Variants in NTM observed in about 807,000 individuals in gnomAD.
NTM encodes the protein IgLON family member 2.
In NTM, 13 loss-of-function variants were observed where a neutral mutation model predicts 42.1. The ratio of observed to expected loss-of-function variants is 0.31; its 90% CI spans 0.20 to 0.49. The LOEUF (loss-of-function observed/expected upper bound fraction) is 0.49. Ranked by LOEUF, NTM falls within the 20% of genes least tolerant of loss-of-function variation. The pLI, the probability that NTM is intolerant of heterozygous loss-of-function variation, is 0.99. For synonymous variants in NTM, 187 were observed against 179.2 expected, an observed-to-expected ratio of 1.04 and a Z score of -0.35; for missense variants, 373 against 452.8, an observed-to-expected ratio of 0.82 and a Z score of 1.60.
intron 1 of NTM, among the ~76,000 whole-genome samples, chr11:131,512,602 T>C (rs2048396304): frequency 6.6e-6 from 1 of 152,212 alleles, no homozygotes; most frequent in Non-Finnish European, 1.5e-5. Context: ...AGGCTTCTCC[T>C]GTTCCCCCCA....
intron 1 of NTM, chr11:131,795,455 G>T: frequency 1.0e-6 from 1 of 985,418 alleles, no homozygotes; most frequent in African/African-American, 1.7e-5. Flanking sequence ...TGCTTGATAT[G>T]CAGCTTGTGG....
intron 2 of NTM, among the ~76,000 whole-genome samples, chr11:132,101,564 G>A (rs2061628227): frequency 6.6e-6 from 1 of 151,586 alleles, no homozygotes; most frequent in African/African-American, 2.4e-5. Flanking sequence ...CCTTGTGTGT[G>A]TGTGTGTGTG....
chr11:132,006,198 C>A (rs898174830), intron 2 of NTM, among the ~76,000 whole-genome samples: 3 of 152,146 alleles, frequency 2.0e-5, no homozygotes, highest in Non-Finnish European at 4.4e-5. Flanking sequence ...TGTAATCTTT[C>A]CATGGCTTGA....
At chr11:131,580,755 C>T (rs892501655) in intron 1 of NTM, among the ~76,000 whole-genome samples, 3 of 152,166 alleles carry the variant, frequency 2.0e-5, no homozygotes, top group Non-Finnish European at 2.9e-5. Context: ...AGCATTTCTT[C>T]GTATTCCCTT....
intron 1 of NTM, among the ~76,000 whole-genome samples, chr11:131,851,532 C>CGTGTGT (rs71067340): frequency 0.076 from 11,100 of 146,558 alleles, 528 homozygotes; most frequent in Middle Eastern, 0.12. Flanking sequence ...GTGAGAATGG[C>CGTGTGT]GTGTGTGTGT....
rs555855166 is a variant in NTM, at chr11:131,479,892, T to A, written c.82+109004T>A. On this transcript the variant is annotated intron_variant, in intron 1 of 8. Coordinates refer to ENST00000683400, the MANE Select transcript of NTM (RefSeq NM_001352005.2). ...AGAAATATTAACATTTTGATAAATT[T>A]TTTTTTAAAAAAATCAAAATCAATG... Among the ~76,000 whole-genome samples the A allele has an allele frequency of 2.6e-3, 393 of 152,260 alleles. 1 individual carries two copies. The highest frequency in any genetic ancestry group is 9.2e-3 in the African/African-American group (382 of 41,542).
At chr11:131,980,179 C>A (rs536110569) in intron 2 of NTM, among the ~76,000 whole-genome samples, 2 of 152,160 alleles carry the variant, frequency 1.3e-5, no homozygotes, top group African/African-American at 4.8e-5. Context: ...TTTACTTCCA[C>A]CCATGTTTCT....
chr11:132,129,659 A>G (rs552049202), intron 2 of NTM, among the ~76,000 whole-genome samples: 2 of 152,314 alleles, frequency 1.3e-5, no homozygotes, highest in South Asian at 4.1e-4. Context: ...CTTCTTAGGA[A>G]ATAAAAACTG....
intron 1 of NTM, among the ~76,000 whole-genome samples, chr11:131,569,377 C>A (rs146374586): frequency 0.023 from 3,529 of 151,878 alleles, 137 homozygotes; most frequent in African/African-American, 0.08. Flanking sequence ...AACTCCTGAC[C>A]TCAGGTGATC....
At chr11:132,018,862 G>A (rs1008410172) in intron 2 of NTM, among the ~76,000 whole-genome samples, 6 of 152,062 alleles carry the variant, frequency 3.9e-5, no homozygotes, top group South Asian at 2.1e-4. Context: ...TTTCTTTGCC[G>A]AAGATTTTTC....
At chr11:131,989,469 C>T (rs533072060) in intron 2 of NTM, among the ~76,000 whole-genome samples, 1 of 152,268 alleles carries the variant, frequency 6.6e-6, no homozygotes, top group South Asian at 2.1e-4. Flanking sequence ...AGGAATTATT[C>T]ACTTAACTCG....
At chr11:132,297,736 G>A (rs894694511) in intron 4 of NTM, among the ~76,000 whole-genome samples, 2 of 152,036 alleles carry the variant, frequency 1.3e-5, no homozygotes, top group East Asian at 3.9e-4. Flanking sequence ...GAGTTGACAT[G>A]GATTTGGTTC....
At chr11:131,385,507 G>T (rs1461468059) in intron 1 of NTM, 2 of 152,190 alleles carry the variant, frequency 1.3e-5, no homozygotes, top group Admixed American at 1.3e-4. Context: ...TGCGTTGCTG[G>T]TGGGAATGTA....
intron 6 of NTM, chr11:132,312,249 G>A (rs2095302876): frequency 1.3e-5 from 2 of 152,226 alleles, no homozygotes; most frequent in African/African-American, 2.4e-5. Context: ...CATTTTCAGT[G>A]AGATGAGCAG....
At chr11:132,317,706 G>C (rs901709150) in intron 7 of NTM, 4 of 1,301,400 alleles carry the variant, frequency 3.1e-6, no homozygotes, top group Non-Finnish European at 4.1e-6. Flanking sequence ...TATCTTCCTT[G>C]CTTTATGTTT....
intron 1 of NTM, among the ~76,000 whole-genome samples, chr11:131,626,327 G>T (rs2063101255): frequency 6.6e-6 from 1 of 152,078 alleles, no homozygotes; most frequent in African/African-American, 2.4e-5. Context: ...AAACGTATAT[G>T]ATATACGTAA....
chr11:131,872,717 C>G (rs2047911503), intron 1 of NTM, among the ~76,000 whole-genome samples: 1 of 152,128 alleles, frequency 6.6e-6, no homozygotes, highest in Non-Finnish European at 1.5e-5. Flanking sequence ...TTGATAGTGG[C>G]TAGATTGAAA....
At chr11:132,240,492 A>G (rs1219219985) in intron 4 of NTM, among the ~76,000 whole-genome samples, 2 of 152,236 alleles carry the variant, frequency 1.3e-5, no homozygotes, top group African/African-American at 2.4e-5. Context: ...AAAACTGGGC[A>G]TTACTAACTT....
intron 3 of NTM, among the ~76,000 whole-genome samples, chr11:132,208,846 T>C (rs978435938): frequency 6.6e-6 from 1 of 152,198 alleles, no homozygotes; most frequent in South Asian, 2.1e-4. Flanking sequence ...TGGCGTGACA[T>C]AATCCCTTGC....
Sources: gnomAD v4.1 joint callset for allele counts (sites outside exome capture counted in the v4.1 genomes callset) on GRCh38, gnomAD v4.1.1 for gene constraint, MANE v1.5 for transcripts, NCBI Gene and HGNC (gene_info 2026-07-23, HGNC 2026-07-21) for gene names.